Variants in CLVS1 observed in about 807,000 individuals in gnomAD.
The protein encoded by CLVS1 is clavesin 1.
CLVS1 carries 10 observed loss-of-function variants against 33.1 expected under a neutral mutation model. The observed-to-expected ratio is 0.30, with a 90% CI of 0.19 to 0.51. The LOEUF (loss-of-function observed/expected upper bound fraction) is 0.51. Ranked by LOEUF, CLVS1 falls within the 20% of genes least tolerant of loss-of-function variation. CLVS1 has a pLI of 0.97. For missense variants in CLVS1, 343 were observed against 433.4 expected (o/e 0.79, Z 1.85); for synonymous variants, 163 against 166.1 (o/e 0.98, Z 0.14).
At chr8:61,459,734 T>C (rs796664238) in intron 5 of CLVS1, among the ~76,000 whole-genome samples, 24 of 152,258 alleles carry the variant, frequency 1.6e-4, no homozygotes, top group African/African-American at 5.5e-4. Context: ...CATACATCTA[T>C]ACACACCCAT....
intron 2 of CLVS1, among the ~76,000 whole-genome samples, chr8:61,192,159 G>A (rs1323566636): frequency 1.3e-5 from 2 of 152,140 alleles, no homozygotes; most frequent in Non-Finnish European, 2.9e-5. Flanking sequence ...AAACAGCATG[G>A]TACTGGTACC....
intron 5 of CLVS1, among the ~76,000 whole-genome samples, chr8:61,463,671 A>T (rs1298170459): frequency 6.6e-6 from 1 of 152,220 alleles, no homozygotes; most frequent in Non-Finnish European, 1.5e-5. Context: ...TCAATTAAGT[A>T]TATTGTCTTA....
At chr8:61,147,573 T>C (rs1806445190) in intron 2 of CLVS1, among the ~76,000 whole-genome samples, 2 of 152,234 alleles carry the variant, frequency 1.3e-5, no homozygotes, top group South Asian at 4.1e-4. Flanking sequence ...TTTCTATCAC[T>C]TTCTGCTTTA....
chr8:61,382,025 C>G (rs1286104092), intron 3 of CLVS1, among the ~76,000 whole-genome samples: 1 of 152,164 alleles, frequency 6.6e-6, no homozygotes, highest in African/African-American at 2.4e-5. Context: ...TAATACTCCT[C>G]AAACCTTGGT....
At position 61,376,716 on chromosome 8, in the gene CLVS1, T is replaced by G. The variant is rs1813658675; in HGVS notation, c.567T>G (p.Phe189Leu). The G allele has an allele frequency of 3.1e-6, 5 of 1,614,160 alleles. No individual in the cohort carries two copies. The highest frequency in any genetic ancestry group is 4.2e-6 in the Non-Finnish European group (5 of 1,179,998). Residue 189 changes from phenylalanine (F) to leucine (L), a missense_variant, in exon 3 of 6, where the codon TTT (phenylalanine) becomes TTG (leucine). Coordinates refer to ENST00000325897, the MANE Select transcript of CLVS1 (RefSeq NM_173519.3). Reference protein sequence around the residue: ...GFILIIDWSNFSFKQASKLTP... With the variant: ...GFILIIDWSNLSFKQASKLTP... ...TTTTAATTATAGACTGGAGTAATTT[T>G]TCCTTCAAACAAGCCTCCAAACTGA...
At chr8:61,202,431 A>T in intron 2 of CLVS1, 1 of 778,468 alleles carries the variant, frequency 1.3e-6, no homozygotes, top group South Asian at 1.3e-5. Context: ...AGGCTGACAA[A>T]GATTGTCACT....
intron 1 of CLVS1, among the ~76,000 whole-genome samples, chr8:61,075,149 G>T (rs983924029): frequency 6.6e-6 from 1 of 152,164 alleles, no homozygotes; most frequent in African/African-American, 2.4e-5. Context: ...CTTGAGGAAT[G>T]GGGGGCACTG....
intron 2 of CLVS1, among the ~76,000 whole-genome samples, chr8:61,207,266 G>A (rs1807870185): frequency 6.6e-6 from 1 of 152,194 alleles, no homozygotes; most frequent in African/African-American, 2.4e-5. Flanking sequence ...AGAGGTGCAT[G>A]GGCTCAAGTG....
chr8:61,189,218 T>A (rs997011202), intron 2 of CLVS1, among the ~76,000 whole-genome samples: 2 of 152,168 alleles, frequency 1.3e-5, no homozygotes, highest in Non-Finnish European at 2.9e-5. Context: ...GGGCCAATAT[T>A]CAACATTCTT....
the CLVS1 span, among the ~76,000 whole-genome samples, chr8:60,969,059 A>G: frequency 6.6e-6 from 1 of 152,254 alleles, no homozygotes; most frequent in Non-Finnish European, 1.5e-5. Context: ...AATGAAGTGT[A>G]TCACAATCAA....
intron 2 of CLVS1, among the ~76,000 whole-genome samples, chr8:61,241,990 A>AT (rs1010116569): frequency 6.7e-6 from 1 of 149,264 alleles, no homozygotes; most frequent in Non-Finnish European, 1.5e-5. Flanking sequence ...TGTGGTCTCT[A>AT]TTTTTTCTAA....
intron 1 of CLVS1, among the ~76,000 whole-genome samples, chr8:61,119,704 A>C (rs1212454394): frequency 1.5e-5 from 2 of 130,882 alleles, no homozygotes; most frequent in Admixed American, 7.3e-5. Flanking sequence ...ATTGGCCCCC[A>C]CTCTCTTCTG....
chr8:61,025,416 A>C, the CLVS1 span, among the ~76,000 whole-genome samples: 4 of 152,234 alleles, frequency 2.6e-5, no homozygotes, highest in African/African-American at 9.6e-5. Flanking sequence ...CATTTGACTT[A>C]AGAGGAACAG....
At chr8:61,470,925 G>A (rs950758472) in intron 5 of CLVS1, among the ~76,000 whole-genome samples, 6 of 152,158 alleles carry the variant, frequency 3.9e-5, no homozygotes, top group Admixed American at 2.0e-4. Flanking sequence ...GCCCCACTTA[G>A]AACGCACCTC....
chr8:61,376,776 G>A lies in CLVS1; in HGVS notation c.627G>A (p.Leu209=), dbSNP rs1419779984. ...PSILKLAIEG[L]QDSFPARFGG... ...TCCTTAAACTGGCCATTGAAGGGTTGCAGGTATGTTCAATGAATGCGCAAT... is the reference window on the plus strand; with the variant it reads ...TCCTTAAACTGGCCATTGAAGGGTTACAGGTATGTTCAATGAATGCGCAAT... The change falls in exon 3 of 6, where the codon TTG becomes TTA. Residue 209 remains leucine, a synonymous_variant. Transcript: ENST00000325897. 10 of 1,613,450 alleles carry A rather than the reference G, an allele frequency of 6.2e-6. 1 individual carries two copies. In the South Asian group the frequency reaches 9.9e-5, roughly 16 times the overall value.
intron 2 of CLVS1, among the ~76,000 whole-genome samples, chr8:61,330,157 C>A (rs1003473369): frequency 1.1e-4 from 17 of 152,136 alleles, no homozygotes; most frequent in Admixed American, 9.2e-4. Flanking sequence ...CTAGGTGGTG[C>A]TTCTGTGTGT....
At chr8:61,491,973 G>A (rs1023430252) in intron 5 of CLVS1, among the ~76,000 whole-genome samples, 1 of 152,188 alleles carries the variant, frequency 6.6e-6, no homozygotes, top group Non-Finnish European at 1.5e-5. Context: ...GGAGGGTTTT[G>A]TGAGTGTCAG....
intron 2 of CLVS1, among the ~76,000 whole-genome samples, chr8:61,199,660 T>G (rs1187797387): frequency 6.6e-6 from 1 of 152,240 alleles, no homozygotes; most frequent in African/African-American, 2.4e-5. Flanking sequence ...CTGGTGGGAA[T>G]GTAAACTAGC....
chr8:61,485,322 C>G (rs1382096364), intron 5 of CLVS1, among the ~76,000 whole-genome samples: 1 of 152,270 alleles, frequency 6.6e-6, no homozygotes, highest in East Asian at 1.9e-4. Flanking sequence ...GACATTTATG[C>G]AGTCAACAGA....
Sources: allele counts gnomAD v4.1 joint callset (sites outside exome capture counted in the v4.1 genomes callset), GRCh38; gene constraint gnomAD v4.1.1; transcripts MANE v1.5; gene names NCBI Gene and HGNC (gene_info 2026-07-23, HGNC 2026-07-21).